FAM83E: variants seen among roughly 807,000 people sequenced by gnomAD.
FAM83E encodes scaffolding CK1 anchoring protein E, also known as protein FAM83E.
Under a neutral mutation model 34.3 loss-of-function variants are expected in FAM83E, and 29 were observed. The ratio of observed to expected loss-of-function variants is 0.85; its 90% CI spans 0.63 to 1.15. FAM83E has a LOEUF of 1.15. Ranked by LOEUF, FAM83E falls within the 50% of genes most tolerant of loss-of-function variation. The pLI is 0.00. For synonymous variants in FAM83E, 312 were observed against 311.6 expected, an observed-to-expected ratio of 1.00 and a Z score of -0.01; for missense variants, 697 against 685.0, an observed-to-expected ratio of 1.02 and a Z score of -0.20.
rs936879444 is a variant in FAM83E, at chr19:48,614,625, G to A, written c.-1253C>T. 4 of 986,070 alleles carry A rather than the reference G, an allele frequency of 4.1e-6. No individual in the cohort carries two copies. The African/African-American group carries it at 5.2e-5, about 13-fold the overall frequency. The allele number at this position is 986,070 out of a possible 1,614,324, so 61.1% of individuals were successfully genotyped here. A position where few individuals can be genotyped will look rare whatever the true frequency, so the allele number is the denominator to read the frequency against. ...GCTGCTTCCTCCAGACCACAGCAGG[G>A]AGCTGCAAAGAGAAGAAAGGAGTCA... On this transcript the variant is annotated splice_region_variant and 5_prime_UTR_variant, in exon 3 of 7. Coordinates refer to ENST00000263266, the MANE Select transcript of FAM83E (RefSeq NM_017708.4).
chr19:48,602,613 A>G (rs1484434563), intron 6 of FAM83E, among the ~76,000 whole-genome samples: 3 of 144,202 alleles, frequency 2.1e-5, no homozygotes, highest in Non-Finnish European at 3.0e-5. Context: ...CTCTCCAGCT[A>G]GGAGCCTTCC....
rs1443094372 is a variant in FAM83E, at chr19:48,602,702, AAAATATATATATATATATAT to A, written c.1176+772_1176+791del. ...ACCCTATCTCAAAAAAAAAAAAAAA[AAAATATATATATATATATAT>A]ATATATATATATATATATATATATA... is the stretch of plus-strand genomic sequence containing the variant. On this transcript the variant is annotated intron_variant, in intron 6 of 6. Transcript: ENST00000263266. Among the ~76,000 whole-genome samples the A allele has an allele frequency of 1.3e-3, 56 of 42,880 alleles. 6 individuals are homozygous for A. Among genetic ancestry groups the A allele is most frequent in the Non-Finnish European group, 1.5e-3 (38 of 24,640 alleles). 28.1% of individuals were successfully genotyped at this position (42,880 alleles called of 152,430 possible).
chr19:48,602,059 T>C (rs1973825565), intron 6 of FAM83E, among the ~76,000 whole-genome samples: 1 of 148,112 alleles, frequency 6.8e-6, no homozygotes, highest in South Asian at 2.1e-4. Flanking sequence ...GGAGGATCAC[T>C]TGAGCCCAGG....
chr19:48,614,688 C>A lies in FAM83E; in HGVS notation c.-1256+20G>T, dbSNP rs1232546716. 1 of 985,592 alleles carries A rather than the reference C, an allele frequency of 1.0e-6. No homozygotes were observed. The highest frequency in any genetic ancestry group is 1.2e-6 in the Non-Finnish European group (1 of 830,068). The allele number at this position is 985,592 out of a possible 1,614,324, so 61.1% of individuals were successfully genotyped here. A position where few individuals can be genotyped will look rare whatever the true frequency, so the allele number is the denominator to read the frequency against. ...CTCCCCGCCCCACCCTCACCCATCCCCCCCATCGCCGGGGCTCACCCACAC... is the reference window on the plus strand; with the variant it reads ...CTCCCCGCCCCACCCTCACCCATCCACCCCATCGCCGGGGCTCACCCACAC... On this transcript the variant is annotated intron_variant, in intron 2 of 6. Transcript: ENST00000263266.
In FAM83E at chr19:48,603,570, G is replaced by T. The variant is rs200269005; in HGVS notation, c.1100C>A (p.Pro367Gln). 1 of 1,551,722 alleles carries T rather than the reference G, an allele frequency of 6.4e-7. No individual in the cohort carries two copies. Among genetic ancestry groups the T allele is most frequent in the Admixed American group, 1.9e-5 (1 of 52,940 alleles). ...CCACATGGAGCGGCTGGGCCGGGCC[G>T]GGGGGCCGCTGGGGGTCCGGGCGCG... ...VQRARTPSGP[P>Q]ARPSRSMWDL... Residue 367 changes from proline to glutamine, a missense_variant, in exon 6 of 7, where the codon CCG (proline) becomes CAG (glutamine). Coordinates refer to ENST00000263266, the MANE Select transcript of FAM83E (RefSeq NM_017708.4).
intron 3 of FAM83E, among the ~76,000 whole-genome samples, chr19:48,612,305 G>A (rs1974054919): frequency 1.3e-5 from 2 of 152,048 alleles, no homozygotes; most frequent in Non-Finnish European, 2.9e-5. Flanking sequence ...ATGAGGGGAT[G>A]GGGGAATGAC....
chr19:48,611,910 G>A (rs1471310740), intron 3 of FAM83E, among the ~76,000 whole-genome samples: 1 of 152,156 alleles, frequency 6.6e-6, no homozygotes, highest in Non-Finnish European at 1.5e-5. Context: ...GGGTCCTGTG[G>A]AATTTTCTGG....
rs1974021709 is a variant in FAM83E at position 48,610,528 on chromosome 19, C to A, written c.633+152G>T. ...TCAAGATTCCTTGGGAATGCCCACCCCCACCTCCCCAGTGCTGTGGGCATC... is the reference window on the plus strand; with the variant it reads ...TCAAGATTCCTTGGGAATGCCCACCACCACCTCCCCAGTGCTGTGGGCATC... On this transcript the variant is annotated intron_variant, in intron 4 of 6. Transcript: ENST00000263266. The A allele has an allele frequency of 4.3e-6, 4 of 928,892 alleles. No homozygotes were observed. The South Asian group carries it at 8.3e-5, about 19-fold the overall frequency. The allele number at this position is 928,892 out of a possible 1,614,324, so 57.5% of individuals were successfully genotyped here. A position where few individuals can be genotyped will look rare whatever the true frequency, so the allele number is the denominator to read the frequency against.
At chr19:48,608,907 G>A (rs1411060608) in intron 5 of FAM83E, among the ~76,000 whole-genome samples, 1 of 151,938 alleles carries the variant, frequency 6.6e-6, no homozygotes, top group Non-Finnish European at 1.5e-5. Context: ...AGGGAAAGTC[G>A]GGGGTATGGG....
At position 48,600,855 on chromosome 19, in the gene FAM83E, G is replaced by A. The variant is rs951046218; in HGVS notation, c.*254C>T. The A allele has an allele frequency of 2.8e-5, 16 of 567,524 alleles. No homozygotes were observed. The highest frequency in any genetic ancestry group is 4.3e-5 in the Non-Finnish European group (16 of 370,758). The allele number at this position is 567,524 out of a possible 1,614,324, so 35.2% of individuals were successfully genotyped here. The stretch of plus-strand genomic sequence containing the variant: ...AATTGTAGAGATGGGGTCTCACTAT[G>A]TTGCCCAGGCTGGTCTCCAACTCCT... On this transcript the variant is annotated 3_prime_UTR_variant, in exon 7 of 7. Coordinates refer to ENST00000263266, the MANE Select transcript of FAM83E (RefSeq NM_017708.4).
rs747329708 is a variant in FAM83E, at chr19:48,614,696, G to A, written c.-1256+12C>T. On this transcript the variant is annotated intron_variant, in intron 2 of 6. Coordinates refer to ENST00000263266, the MANE Select transcript of FAM83E (RefSeq NM_017708.4). ...CCCACCCTCACCCATCCCCCCCATC[G>A]CCGGGGCTCACCCACACCGGCTAGT... 6.2e-5 allele frequency: 52 copies of A among 844,520 alleles called. No homozygotes were observed. The highest frequency in any genetic ancestry group is 7.0e-5 in the Non-Finnish European group (50 of 712,500). The allele number at this position is 844,520 out of a possible 1,614,324, so 52.3% of individuals were successfully genotyped here.
At chr19:48,602,230 A>AG (rs1256249080) in intron 6 of FAM83E, among the ~76,000 whole-genome samples, 1 of 142,698 alleles carries the variant, frequency 7.0e-6, no homozygotes, top group Non-Finnish European at 1.5e-5. Flanking sequence ...AAAGAAGGAG[A>AG]GGAGGGAGGA....
chr19:48,609,724 C>T, intron 5 of FAM83E, 152 bp downstream of exon 5: 1 of 885,858 alleles, frequency 1.1e-6, no homozygotes, highest in Non-Finnish European at 1.7e-6. Context: ...GGCCGCGGCA[C>T]CAACCTCCTC....
At chr19:48,614,901 G>A (rs1156553393) in intron 1 of FAM83E, 36 bp downstream of exon 1, 4 of 587,640 alleles carry the variant, frequency 6.8e-6, no homozygotes, top group African/African-American at 2.0e-5. Flanking sequence ...GGCCCCTGGA[G>A]GAGGTCCGGG....
In FAM83E at chr19:48,613,825, T is replaced by A. The variant is rs937185314; in HGVS notation, c.-453A>T. The A allele has an allele frequency of 7.1e-6, 7 of 985,330 alleles. No individual in the cohort carries two copies. The East Asian group carries it at 6.8e-4, about 96-fold the overall frequency. The allele number at this position is 985,330 out of a possible 1,614,324, so 61.0% of individuals were successfully genotyped here. A position where few individuals can be genotyped will look rare whatever the true frequency, so the allele number is the denominator to read the frequency against. On this transcript the variant is annotated 5_prime_UTR_variant, in exon 3 of 7. Transcript: ENST00000263266. ...TCAGCTGTCCTGAATTTGGTCAGGC[T>A]GACCACTTGATCATTTCCAGGCGGC...
At chr19:48,607,073 T>C (rs755695838) in intron 5 of FAM83E, 15 of 1,613,112 alleles carry the variant, frequency 9.3e-6, no homozygotes, top group Non-Finnish European at 1.2e-5. Context: ...ACCGACTCCA[T>C]GCAGTGTCCT....
chr19:48,606,794 C>A, intron 5 of FAM83E: 1 of 681,658 alleles, frequency 1.5e-6, no homozygotes, highest in Non-Finnish European at 2.4e-6. Context: ...CCTCCATCCC[C>A]AGGACTTAGA....
intron 5 of FAM83E, 81 bp downstream of exon 5, chr19:48,609,795 G>C: frequency 6.9e-7 from 1 of 1,457,918 alleles, no homozygotes; most frequent in Non-Finnish European, 9.5e-7. Context: ...TGGGCAAGGG[G>C]ATGCCAGCTG....
At chr19:48,601,414 C>T in intron 6 of FAM83E, 45 bp from the exon 7 acceptor site, 1 of 1,543,818 alleles carries the variant, frequency 6.5e-7, no homozygotes, top group Non-Finnish European at 8.7e-7. Flanking sequence ...TGGGGTGGGG[C>T]CCTGGGGGCA....
Sources: gnomAD v4.1 joint callset for allele counts (sites outside exome capture counted in the v4.1 genomes callset) on GRCh38, gnomAD v4.1.1 for gene constraint, MANE v1.5 for transcripts, NCBI Gene and HGNC (gene_info 2026-07-23, HGNC 2026-07-21) for gene names.